The following SETD5 variants were observed in gnomAD, a reference collection of about 807,000 sequenced individuals.
The protein encoded by SETD5 is SET domain containing 5, also known as histone-lysine N-methyltransferase SETD5.
In SETD5, 44 loss-of-function variants were observed where a neutral mutation model predicts 153.3. The ratio of observed to expected loss-of-function variants is 0.29; its 90% CI spans 0.23 to 0.37. The LOEUF is 0.37. Among genes scored for constraint, SETD5 ranks in the 10% least tolerant of loss-of-function variants. The pLI is 1.00. For synonymous variants in SETD5, 716 were observed against 645.2 expected (o/e 1.11, Z -1.66); for missense variants, 1,544 against 1,768.0 (o/e 0.87, Z 2.27).
intron 1 of SETD5, among the ~76,000 whole-genome samples, chr3:9,419,559 CAAAAAT>C (rs2038066876): frequency 6.6e-6 from 1 of 151,906 alleles, no homozygotes; most frequent in South Asian, 2.1e-4. Context: ...GACCCTGTCT[CAAAAAT>C]AAAAATAAAA....
intron 17 of SETD5, among the ~76,000 whole-genome samples, chr3:9,455,168 C>CT (rs903600741): frequency 0.098 from 9,795 of 99,750 alleles, 614 homozygotes; most frequent in Middle Eastern, 0.13. Context: ...TTCTTTTTTT[C>CT]TTTTTTTTTT....
intron 1 of SETD5, among the ~76,000 whole-genome samples, chr3:9,421,509 G>A (rs1281483300): frequency 6.6e-6 from 1 of 151,998 alleles, no homozygotes; most frequent in Non-Finnish European, 1.5e-5. Flanking sequence ...GTACAGCTAC[G>A]GTGATTTTAC....
At chr3:9,461,580 A>G (rs116683453) in intron 17 of SETD5, among the ~76,000 whole-genome samples, 2 of 152,354 alleles carry the variant, frequency 1.3e-5, no homozygotes, top group Non-Finnish European at 2.9e-5. Context: ...TATGCAGGAA[A>G]AAGAGAAAAA....
chr3:9,413,268 A>T (rs747583294), intron 1 of SETD5, among the ~76,000 whole-genome samples: 86 of 152,210 alleles, frequency 5.7e-4, no homozygotes, highest in Non-Finnish European at 1.2e-3. Context: ...TATTATAAAG[A>T]AGTCTATACA....
At chr3:9,469,580 A>G (rs915530912) in intron 18 of SETD5, among the ~76,000 whole-genome samples, 1 of 152,188 alleles carries the variant, frequency 6.6e-6, no homozygotes, top group African/African-American at 2.4e-5. Flanking sequence ...CTAGCTTGTT[A>G]GGAAAGTAAA....
chr3:9,462,181 T>TTGCTTCCAGA (rs2044030683), intron 17 of SETD5, among the ~76,000 whole-genome samples: 1 of 152,222 alleles, frequency 6.6e-6, no homozygotes, highest in Non-Finnish European at 1.5e-5. Flanking sequence ...ATACTGACCA[T>TTGCTTCCAGA]TGCTTCCAGA....
At chr3:9,422,623 A>G (rs1444978775) in intron 1 of SETD5, among the ~76,000 whole-genome samples, 3 of 152,226 alleles carry the variant, frequency 2.0e-5, no homozygotes, top group Non-Finnish European at 1.5e-5. Flanking sequence ...AATAATGGAT[A>G]TTGTACAGCC....
intron 1 of SETD5, among the ~76,000 whole-genome samples, chr3:9,414,784 TC>T (rs2037160884): frequency 6.6e-6 from 1 of 152,138 alleles, no homozygotes; most frequent in African/African-American, 2.4e-5. Flanking sequence ...ATGGAGGTCT[TC>T]AATGGATTTG....
chr3:9,468,451 TTTTTG>T (rs2044891404), intron 18 of SETD5: 2 of 1,278,066 alleles, frequency 1.6e-6, no homozygotes, highest in African/African-American at 3.1e-5. Flanking sequence ...TTGCTTTTAT[TTTTTG>T]TTTTGTTTTG....
At chr3:9,425,058 T>TC (rs2038962326) in intron 2 of SETD5, among the ~76,000 whole-genome samples, 2 of 139,044 alleles carry the variant, frequency 1.4e-5, no homozygotes, top group Non-Finnish European at 3.0e-5. Flanking sequence ...AATGTTTCTT[T>TC]TTTTTTTTTT....
intron 1 of SETD5, among the ~76,000 whole-genome samples, chr3:9,418,833 A>G (rs2037943653): frequency 6.6e-6 from 1 of 152,164 alleles, no homozygotes; most frequent in African/African-American, 2.4e-5. Flanking sequence ...TCACATACAT[A>G]AACATTGGGA....
chr3:9,468,575 G>T, intron 18 of SETD5: 3 of 1,304,298 alleles, frequency 2.3e-6, no homozygotes, highest in Non-Finnish European at 3.0e-6. Flanking sequence ...TGTCACCCGA[G>T]GTAGTTATCA....
At chr3:9,465,008 G>A in intron 18 of SETD5, 1 of 328,700 alleles carries the variant, frequency 3.0e-6, no homozygotes, top group South Asian at 3.0e-5. Flanking sequence ...GCCTCTAGCT[G>A]CCTGTAGTAT....
At chr3:9,452,778 A>G (rs1002559033) in intron 16 of SETD5, among the ~76,000 whole-genome samples, 2 of 148,542 alleles carry the variant, frequency 1.3e-5, no homozygotes, top group Non-Finnish European at 3.0e-5. Flanking sequence ...TACCTGTAAT[A>G]CATGTTCTCT....
chr3:9,447,063 G>C lies in SETD5; in HGVS notation c.1538G>C (p.Arg513Thr). 6.2e-7 allele frequency: 1 copy of C among 1,611,168 alleles called. No homozygotes were observed. The highest frequency in any genetic ancestry group is 8.5e-7 in the Non-Finnish European group (1 of 1,178,724). Residue 513 changes from arginine to threonine, a missense_variant, in exon 14 of 23, where the codon AGA becomes ACA. By Grantham distance (71) the Arg-to-Thr change is moderately conservative. Around this residue, in one of 9 missense-constraint regions of SETD5, gnomAD observed 782 missense variants for 787.2 expected, o/e 0.99. Coordinates refer to ENST00000402198, the MANE Select transcript of SETD5 (RefSeq NM_001080517.3). ...LAHSRRTRED[R>T]KVEAIMHAFE... Reference sequence around the variant, plus strand: ...ATCTCTTTCTAGACCAGGGAAGATAGAAAGGTAGAAGCCATCATGCATGCT... The same window carrying C: ...ATCTCTTTCTAGACCAGGGAAGATACAAAGGTAGAAGCCATCATGCATGCT...
intron 1 of SETD5, among the ~76,000 whole-genome samples, chr3:9,418,635 T>A (rs1451627693): frequency 6.6e-6 from 1 of 151,790 alleles, no homozygotes; most frequent in Non-Finnish European, 1.5e-5. Context: ...AAACCCCGTC[T>A]CTACTAAAAA....
intron 1 of SETD5, among the ~76,000 whole-genome samples, chr3:9,416,474 A>C (rs752321092): frequency 1.3e-5 from 2 of 152,190 alleles, no homozygotes; most frequent in Non-Finnish European, 2.9e-5. Flanking sequence ...AATGCAAGAA[A>C]TTTATCAACA....
chr3:9,441,989 G>A, intron 9 of SETD5, 139 bp from the exon 10 acceptor site: 1 of 731,798 alleles, frequency 1.4e-6, no homozygotes, highest in South Asian at 1.8e-5. Flanking sequence ...ATCAAAAGCA[G>A]ACAAACGTGA....
At chr3:9,436,361 G>A (rs1316094066) in intron 7 of SETD5, among the ~76,000 whole-genome samples, 2 of 152,184 alleles carry the variant, frequency 1.3e-5, no homozygotes, top group African/African-American at 4.8e-5. Context: ...GGTTTCCTCA[G>A]TGTCATGGTC....
Sources: gnomAD v4.1 joint callset for allele counts (sites outside exome capture counted in the v4.1 genomes callset) on GRCh38, gnomAD v4.1.1 for gene constraint, gnomAD v4.1.1 regional missense constraint, MANE v1.5 for transcripts, NCBI Gene and HGNC (gene_info 2026-07-23, HGNC 2026-07-21) for gene names.